Variants in WDR3 observed in about 807,000 individuals in gnomAD.
WDR3 encodes the protein WD repeat domain 3, also known as WD repeat-containing protein 3.
A neutral mutation model predicts 123.7 loss-of-function variants in WDR3; 81 were observed. That is an observed-to-expected ratio of 0.65 (90% CI 0.55 to 0.79). WDR3 has a LOEUF of 0.79. Ranked by LOEUF, WDR3 falls within the 30% of genes least tolerant of loss-of-function variation. WDR3 has a pLI of 0.00. For synonymous variants in WDR3, 390 were observed against 388.8 expected, an observed-to-expected ratio of 1.00 and a Z score of -0.04; for missense variants, 1,027 against 1,123.2, an observed-to-expected ratio of 0.91 and a Z score of 1.22.
At chr1:117,953,794 C>A in intron 21 of WDR3, 2 of 602,218 alleles carry the variant, frequency 3.3e-6, no homozygotes, top group Middle Eastern at 4.4e-4. Flanking sequence ...ATCATCCCAC[C>A]TGAGTCCATG....
In WDR3 at chr1:117,952,960, A is replaced by G. The variant is rs1181478372; in HGVS notation, c.2166A>G (p.Glu722=). 5 of 1,613,190 alleles carry G rather than the reference A, an allele frequency of 3.1e-6. No homozygotes were observed. The highest frequency in any genetic ancestry group is 2.2e-5 in the East Asian group (1 of 44,858). ...EEEREMEREA[E]YEESVAKEDQ... is the part of the protein sequence containing the mutation. The stretch of plus-strand genomic sequence containing the variant: ...TCTCATGGCAGGAAAGAGAAGCAGA[A>G]TATGAGGAGAGTGTGGCCAAAGAAG... Residue 722 remains glutamate, a synonymous_variant, in exon 20 of 27, where the codon GAA becomes GAG. Transcript: ENST00000349139.
Position 117,952,042 on chromosome 1 carries a change from G to C in WDR3, c.1870G>C (p.Asp624His), listed in dbSNP as rs781430732. ...GAAAATCTGGGGTTTGGACTTTGGG[G>C]ACTGCCACAAGTCTCTCTTTGCACA... ...NVKIWGLDFGDCHKSLFAHDD... is the reference protein window; with the variant it reads ...NVKIWGLDFGHCHKSLFAHDD... Residue 624 changes from aspartate (D) to histidine (H), a missense_variant, in exon 17 of 27, where the codon GAC (aspartate) becomes CAC (histidine). Transcript: ENST00000349139. 1.8e-5 allele frequency: 29 copies of C among 1,613,400 alleles called. No individual in the cohort carries two copies. In the South Asian group the frequency reaches 3.1e-4, roughly 17 times the overall value.
chr1:117,934,487 G>C lies in WDR3; in HGVS notation c.186G>C (p.Gln62His). ...TATGATTTCAGATTCTTATCCTTCAGGGGCTTAAACAAGAAGTTACTTGCT... is the reference window on the plus strand; with the variant it reads ...TATGATTTCAGATTCTTATCCTTCACGGGCTTAAACAAGAAGTTACTTGCT... Reference protein sequence around the residue: ...LRKGEKILILQGLKQEVTCLC... With the variant: ...LRKGEKILILHGLKQEVTCLC... Residue 62 changes from glutamine (Q) to histidine (H), a missense_variant, in exon 3 of 27, where the codon CAG becomes CAC. Coordinates refer to ENST00000349139, the MANE Select transcript of WDR3 (RefSeq NM_006784.3). The C allele has an allele frequency of 1.2e-6, 2 of 1,613,802 alleles. No individual in the cohort carries two copies. The highest frequency in any genetic ancestry group is 2.2e-5 in the East Asian group (1 of 44,866).
chr1:117,958,794 T>C (rs1212796004), intron 25 of WDR3, 116 bp from the exon 26 acceptor site: 5 of 548,666 alleles, frequency 9.1e-6, no homozygotes, highest in Non-Finnish European at 1.5e-5. Context: ...GCTCGAAACA[T>C]TTCTATAATG....
chr1:117,944,876 A>G (rs149037933), intron 11 of WDR3, among the ~76,000 whole-genome samples: 2 of 151,852 alleles, frequency 1.3e-5, no homozygotes, highest in African/African-American at 4.8e-5. Context: ...TAATTTTTGT[A>G]TTTTTAGTAG....
At chr1:117,948,384 G>C in intron 12 of WDR3, 21 bp from the exon 13 acceptor site, 5 of 1,607,474 alleles carry the variant, frequency 3.1e-6, no homozygotes, top group Non-Finnish European at 4.3e-6. Flanking sequence ...TTGGAGCTGT[G>C]CTCATTTTGT....
At chr1:117,954,208 T>C (rs975637503) in intron 22 of WDR3, 109 bp downstream of exon 22, 12 of 911,126 alleles carry the variant, frequency 1.3e-5, no homozygotes, top group Non-Finnish European at 2.0e-5. Context: ...ATAAATGGAA[T>C]AGAATCTTTC....
chr1:117,952,508 A>ATTTTT lies in WDR3; in HGVS notation c.2017-14_2017-10dup. 1 of 1,506,958 alleles carries ATTTTT rather than the reference A, an allele frequency of 6.6e-7. No individual in the cohort carries two copies. Among genetic ancestry groups the ATTTTT allele is most frequent in the Non-Finnish European group, 9.0e-7 (1 of 1,112,556 alleles). The allele number at this position is 1,506,958 out of a possible 1,614,324, so 93.3% of individuals were successfully genotyped here. Reference sequence around the variant, plus strand: ...GTGGTCAATGAATGAGGTATTCTTTATTTTTTTTTTCTCCTCCAGGGTCAT... The same window carrying ATTTTT: ...GTGGTCAATGAATGAGGTATTCTTTATTTTTTTTTTTTTTTCTCCTCCAGGGTCAT... On this transcript the variant is annotated intron_variant, in intron 18 of 26. Coordinates refer to ENST00000349139, the MANE Select transcript of WDR3 (RefSeq NM_006784.3).
At position 117,960,109 on chromosome 1, in the gene WDR3, C is replaced by CT. The variant is rs1553208050; in HGVS notation, c.*662_*663insT. ...TGGGCTTCTGAGGAATTAATACACT[C>CT]GTGTGTGTGTGTGTGTGTGTGTGTG... is the stretch of plus-strand genomic sequence containing the variant. On this transcript the variant is annotated 3_prime_UTR_variant, in exon 27 of 27. Coordinates refer to ENST00000349139, the MANE Select transcript of WDR3 (RefSeq NM_006784.3). The CT allele has an allele frequency of 6.9e-6, 1 of 144,406 alleles. No individual in the cohort carries two copies. Among genetic ancestry groups the CT allele is most frequent in the Admixed American group, 6.9e-5 (1 of 14,536 alleles). 8.9% of individuals were successfully genotyped at this position (144,406 alleles called of 1,614,324 possible). A position where few individuals can be genotyped will look rare whatever the true frequency, so the allele number is the denominator to read the frequency against.
In WDR3 at chr1:117,960,700, G is replaced by T. The variant is rs569271808; in HGVS notation, c.*1253G>T. On this transcript the variant is annotated 3_prime_UTR_variant, in exon 27 of 27. Coordinates refer to ENST00000349139, the MANE Select transcript of WDR3 (RefSeq NM_006784.3). ...AGGAGGTGGCTGTGAAATTATTTCA[G>T]TAACATACTGTGTATTACAGTTCAT... is the stretch of plus-strand genomic sequence containing the variant. 12 of 152,306 alleles carry T rather than the reference G, an allele frequency of 7.9e-5. No homozygotes were observed. In the South Asian group the frequency reaches 1.9e-3, roughly 24 times the overall value. 9.4% of individuals were successfully genotyped at this position (152,306 alleles called of 1,614,324 possible).
Position 117,964,053 on chromosome 1 carries a change from G to C in WDR3, c.*4606G>C, listed in dbSNP as rs1557839724. ...CTCTGGCAACATCAGTTCAATTTTAGGTAACTGTCTATCCAATGCAAATTC... is the reference window on the plus strand; with the variant it reads ...CTCTGGCAACATCAGTTCAATTTTACGTAACTGTCTATCCAATGCAAATTC... On this transcript the variant is annotated 3_prime_UTR_variant, in exon 27 of 27. Transcript: ENST00000349139. 3.3e-6 allele frequency: 4 copies of C among 1,216,330 alleles called. No homozygotes were observed. The East Asian group carries it at 9.6e-5, about 29-fold the overall frequency. 75.3% of individuals were successfully genotyped at this position (1,216,330 alleles called of 1,614,324 possible). A position where few individuals can be genotyped will look rare whatever the true frequency, so the allele number is the denominator to read the frequency against.
At chr1:117,958,635 G>A (rs916994376) in intron 25 of WDR3, among the ~76,000 whole-genome samples, 2 of 152,168 alleles carry the variant, frequency 1.3e-5, no homozygotes, top group African/African-American at 4.8e-5. Flanking sequence ...GTCAAAATCT[G>A]TAGCCACTGG....
chr1:117,938,671 A>G lies in WDR3; in HGVS notation c.579+113A>G. ...GTTTTTAGTGCACACAGTAATTATC[A>G]TATGCCATCTTGAGGGACAGTGAGG... is the stretch of plus-strand genomic sequence containing the variant. On this transcript the variant is annotated intron_variant, in intron 5 of 26. Coordinates refer to ENST00000349139, the MANE Select transcript of WDR3 (RefSeq NM_006784.3). 6.9e-6 allele frequency: 6 copies of G among 865,384 alleles called. 1 individual carries two copies. Among genetic ancestry groups the G allele is most frequent in the Non-Finnish European group, 1.0e-5 (6 of 573,128 alleles). The allele number at this position is 865,384 out of a possible 1,614,324, so 53.6% of individuals were successfully genotyped here.
chr1:117,943,033 A>C (rs1219783410), intron 10 of WDR3, among the ~76,000 whole-genome samples: 1 of 151,296 alleles, frequency 6.6e-6, no homozygotes, highest in African/African-American at 2.4e-5. Context: ...GCTCAGTGCA[A>C]CCTCCATCTC....
intron 1 of WDR3, among the ~76,000 whole-genome samples, chr1:117,930,878 C>T (rs972280930): frequency 6.6e-6 from 1 of 152,210 alleles, no homozygotes; most frequent in African/African-American, 2.4e-5. Context: ...TTTGCCATCT[C>T]TGGGTCTGAG....
chr1:117,951,730 G>T (rs1351883860), intron 16 of WDR3, among the ~76,000 whole-genome samples: 1 of 151,976 alleles, frequency 6.6e-6, no homozygotes, highest in Non-Finnish European at 1.5e-5. Flanking sequence ...CTATGTCAAG[G>T]CACAGCACTG....
In WDR3 at chr1:117,939,397, AAC is replaced by A; in HGVS notation, c.580-78_580-77del. ...ATTGCTAGACATTTTACTACGGTGT[AAC>A]AGACTTTTGGAATGTCATATTATGC... is the stretch of plus-strand genomic sequence containing the variant. On this transcript the variant is annotated intron_variant, in intron 5 of 26. Coordinates refer to ENST00000349139, the MANE Select transcript of WDR3 (RefSeq NM_006784.3). 3 of 1,446,938 alleles carry A rather than the reference AAC, an allele frequency of 2.1e-6. No homozygotes were observed. In the South Asian group the frequency reaches 3.5e-5, roughly 17 times the overall value. The allele number at this position is 1,446,938 out of a possible 1,614,324, so 89.6% of individuals were successfully genotyped here.
At chr1:117,954,527 T>C in intron 22 of WDR3, 53 bp from the exon 23 acceptor site, 1 of 1,545,094 alleles carries the variant, frequency 6.5e-7, no homozygotes, top group South Asian at 1.1e-5. Flanking sequence ...CTATAACAAG[T>C]GCTACCTAAG....
chr1:117,952,104 C>T (rs762794393), intron 17 of WDR3, 28 bp downstream of exon 17: 1 of 1,598,230 alleles, frequency 6.3e-7, no homozygotes, highest in African/African-American at 1.3e-5. Flanking sequence ...AAATGTCTCC[C>T]TTTGAGTCAC....
Sources: allele counts gnomAD v4.1 joint callset (sites outside exome capture counted in the v4.1 genomes callset), GRCh38; gene constraint gnomAD v4.1.1; transcripts MANE v1.5; gene names NCBI Gene and HGNC (gene_info 2026-07-23, HGNC 2026-07-21).